The following DOCK5 variants were observed in gnomAD, a reference collection of about 807,000 sequenced individuals.
DOCK5 encodes the protein dedicator of cytokinesis 5.
Under a neutral mutation model 251.8 loss-of-function variants are expected in DOCK5, and 142 were observed. The ratio of observed to expected loss-of-function variants is 0.56; its 90% CI spans 0.49 to 0.65. The LOEUF (loss-of-function observed/expected upper bound fraction) is 0.65, where lower values mean the gene tolerates loss of function less well. DOCK5 is among the 30% of genes least tolerant of loss of function. DOCK5 has a pLI of 0.00. For missense variants in DOCK5, 2,111 were observed against 2,312.3 expected (o/e 0.91, Z 1.79); for synonymous variants, 842 against 835.5 (o/e 1.01, Z -0.13).
intron 1 of DOCK5, among the ~76,000 whole-genome samples, chr8:25,214,174 T>C (rs1802170885): frequency 6.6e-6 from 1 of 152,194 alleles, no homozygotes; most frequent in Non-Finnish European, 1.5e-5. Flanking sequence ...TTGGAGCATT[T>C]TGGAGTTCAG....
At chr8:25,276,055 T>A (rs1239208659) in intron 4 of DOCK5, among the ~76,000 whole-genome samples, 2 of 152,014 alleles carry the variant, frequency 1.3e-5, no homozygotes, top group African/African-American at 4.8e-5. Context: ...GTTCACTGAT[T>A]GTGTGTGTGT....
chr8:25,204,934 G>A (rs1801965378), intron 1 of DOCK5, among the ~76,000 whole-genome samples: 1 of 152,110 alleles, frequency 6.6e-6, no homozygotes, highest in Non-Finnish European at 1.5e-5. Flanking sequence ...TGAAGCCTCA[G>A]CCCCTAGTGT....
intron 18 of DOCK5, among the ~76,000 whole-genome samples, chr8:25,330,241 A>T (rs1805652436): frequency 6.6e-6 from 1 of 152,176 alleles, no homozygotes; most frequent in Non-Finnish European, 1.5e-5. Context: ...GGTTGAGCAT[A>T]TTATCAGTTT....
chr8:25,354,176 CAGAT>C (rs773862334), intron 27 of DOCK5, among the ~76,000 whole-genome samples: 34 of 150,488 alleles, frequency 2.3e-4, no homozygotes, highest in Admixed American at 1.1e-3. Flanking sequence ...AAATTACTAA[CAGAT>C]GGAGTGCAAT....
chr8:25,371,800 A>G (rs1350386992), intron 34 of DOCK5, among the ~76,000 whole-genome samples: 1 of 152,228 alleles, frequency 6.6e-6, no homozygotes, highest in Non-Finnish European at 1.5e-5. Flanking sequence ...TAGAAAAAAT[A>G]CGGATACATA....
chr8:25,301,716 AT>A (rs1471803170), intron 9 of DOCK5, among the ~76,000 whole-genome samples: 200 of 147,422 alleles, frequency 1.4e-3, no homozygotes, highest in African/African-American at 4.9e-3. Flanking sequence ...AAAAAAAAAA[AT>A]ACAAACAAGT....
intron 7 of DOCK5, 99 bp from the exon 8 acceptor site, chr8:25,298,845 G>A: frequency 7.5e-7 from 1 of 1,341,686 alleles, no homozygotes; most frequent in Non-Finnish European, 1.0e-6. Context: ...CCCAGGCTTT[G>A]TCTGCCATTT....
chr8:25,226,070 TAAG>T (rs1430331955), intron 1 of DOCK5, among the ~76,000 whole-genome samples: 2 of 151,846 alleles, frequency 1.3e-5, no homozygotes, highest in East Asian at 3.9e-4. Flanking sequence ...AATTGAAAAT[TAAG>T]AAAAAATACT....
At chr8:25,241,559 G>A (rs1802946048) in intron 1 of DOCK5, among the ~76,000 whole-genome samples, 1 of 152,166 alleles carries the variant, frequency 6.6e-6, no homozygotes, top group South Asian at 2.1e-4. Flanking sequence ...TTTTGGGACT[G>A]TAAACTAGTT....
intron 14 of DOCK5, among the ~76,000 whole-genome samples, chr8:25,318,418 C>CTTTCT (rs759734262): frequency 6.6e-6 from 1 of 151,822 alleles, no homozygotes; most frequent in Non-Finnish European, 1.5e-5. Flanking sequence ...TTACTTTCTT[C>CTTTCT]TTTCTTTTCT....
At chr8:25,319,166 T>C (rs1201303259) in intron 14 of DOCK5, among the ~76,000 whole-genome samples, 1 of 152,094 alleles carries the variant, frequency 6.6e-6, no homozygotes, top group Non-Finnish European at 1.5e-5. Flanking sequence ...CCTAAGTCCC[T>C]AAAACAGAAT....
At chr8:25,365,620 G>A (rs145424590) in intron 30 of DOCK5, among the ~76,000 whole-genome samples, 197 of 152,328 alleles carry the variant, frequency 1.3e-3, no homozygotes, top group African/African-American at 4.7e-3. Flanking sequence ...CTATGTAAAT[G>A]AAGGAGTAGC....
At chr8:25,323,646 G>A (rs77547427) in intron 16 of DOCK5, among the ~76,000 whole-genome samples, 1 of 152,142 alleles carries the variant, frequency 6.6e-6, no homozygotes. Flanking sequence ...ATTTATTAGG[G>A]GATGTAGGAA....
chr8:25,407,223 C>T (rs2117345533), intron 48 of DOCK5, among the ~76,000 whole-genome samples: 1 of 151,910 alleles, frequency 6.6e-6, no homozygotes, highest in South Asian at 2.1e-4. Flanking sequence ...ATGTAGTAAT[C>T]TAGATTCTAG....
intron 20 of DOCK5, 102 bp from the exon 21 acceptor site, chr8:25,333,994 G>A: frequency 1.2e-6 from 1 of 816,756 alleles, no homozygotes; most frequent in Non-Finnish European, 2.1e-6. Context: ...CTGCAGAAAA[G>A]ATCCAGAGAG....
At chr8:25,255,683 G>A (rs1395249164) in intron 2 of DOCK5, among the ~76,000 whole-genome samples, 1 of 152,174 alleles carries the variant, frequency 6.6e-6, no homozygotes, top group South Asian at 2.1e-4. Flanking sequence ...TGGACTTTGG[G>A]TGATAATGAT....
intron 13 of DOCK5, 98 bp downstream of exon 13, chr8:25,310,630 T>C (rs917353540): frequency 1.4e-6 from 2 of 1,394,434 alleles, no homozygotes; most frequent in Non-Finnish European, 1.9e-6. Flanking sequence ...GACTTGGTTA[T>C]TTACATTCAT....
chr8:25,222,705 C>T (rs1223546536), intron 1 of DOCK5, among the ~76,000 whole-genome samples: 2 of 152,184 alleles, frequency 1.3e-5, no homozygotes, highest in African/African-American at 4.8e-5. Context: ...ATCAGGGGCT[C>T]CTGGCAGCCC....
chr8:25,232,502 A>G (rs1802696030), intron 1 of DOCK5, among the ~76,000 whole-genome samples: 1 of 152,182 alleles, frequency 6.6e-6, no homozygotes, highest in Non-Finnish European at 1.5e-5. Context: ...TGGCAGCTCA[A>G]AGTCCAAGGT....
Sources: allele counts gnomAD v4.1 joint callset (sites outside exome capture counted in the v4.1 genomes callset), GRCh38; gene constraint gnomAD v4.1.1; transcripts MANE v1.5; gene names NCBI Gene and HGNC (gene_info 2026-07-23, HGNC 2026-07-21).